Variants in ESF1 observed in about 807,000 individuals in gnomAD.
ESF1 encodes ESF1 homolog.
A neutral mutation model predicts 92.0 loss-of-function variants in ESF1; 58 were observed. The ratio of observed to expected loss-of-function variants is 0.63; its 90% CI spans 0.51 to 0.78. The LOEUF (loss-of-function observed/expected upper bound fraction) is 0.78, where lower values mean the gene tolerates loss of function less well. ESF1 is among the 30% of genes least tolerant of loss of function. The probability of loss-of-function intolerance (pLI) is 0.00; values close to 1 mark genes in which losing one functional copy is unlikely to be tolerated. For synonymous variants in ESF1, 321 were observed against 313.7 expected (o/e 1.02, Z -0.24); for missense variants, 922 against 989.1 (o/e 0.93, Z 0.91).
intron 9 of ESF1, among the ~76,000 whole-genome samples, chr20:13,735,657 A>G (rs1376842948): frequency 6.6e-6 from 1 of 152,176 alleles, no homozygotes; most frequent in Non-Finnish European, 1.5e-5. Context: ...TTAAATGTAC[A>G]GTGTTGTATT....
intron 9 of ESF1, among the ~76,000 whole-genome samples, chr20:13,743,507 A>G (rs1156968187): frequency 6.6e-6 from 1 of 151,794 alleles, no homozygotes; most frequent in Non-Finnish European, 1.5e-5. Context: ...GAATTAATAA[A>G]GAAATAGTGG....
chr20:13,771,598 A>G, intron 5 of ESF1, 115 bp from the exon 6 acceptor site: 1 of 775,792 alleles, frequency 1.3e-6, no homozygotes, highest in Admixed American at 2.6e-5. Flanking sequence ...TTCATACCAA[A>G]CCATCTTTCC....
chr20:13,731,024 T>C (rs529596078), intron 10 of ESF1, among the ~76,000 whole-genome samples: 1 of 152,228 alleles, frequency 6.6e-6, no homozygotes, highest in South Asian at 2.1e-4. Context: ...CGGTACTGAG[T>C]ACTGTAGGGT....
At chr20:13,767,017 A>C (rs1262634114) in intron 7 of ESF1, 93 bp from the exon 8 acceptor site, 1 of 1,228,382 alleles carries the variant, frequency 8.1e-7, no homozygotes. Flanking sequence ...TGGATGTTTA[A>C]CAGTAAGTTA....
In ESF1 at chr20:13,775,934, T is replaced by C. The variant is rs749329250; in HGVS notation, c.974A>G (p.Glu325Gly). 31 of 1,613,670 alleles carry C rather than the reference T, an allele frequency of 1.9e-5. No homozygotes were observed. In the South Asian group the frequency reaches 3.2e-4, roughly 17 times the overall value. The change falls in exon 3 of 14, where the codon GAA (glutamate) becomes GGA (glycine). Residue 325 changes from glutamate (E) to glycine (G), a missense_variant. Glu to Gly is a moderately conservative substitution (Grantham distance 98). Coordinates refer to ENST00000617257, the MANE Select transcript of ESF1 (RefSeq NM_001276380.2). Reference protein sequence around the residue: ...DEDDTADLFPEESGFEHAWRE... With the variant: ...DEDDTADLFPGESGFEHAWRE... ...CCAAGCATGCTCAAAACCAGATTCT[T>C]CTGGAAACAAATCTGCCGTATCATC...
intron 12 of ESF1, among the ~76,000 whole-genome samples, chr20:13,718,458 A>C (rs1246655845): frequency 6.6e-6 from 1 of 152,232 alleles, no homozygotes; most frequent in African/African-American, 2.4e-5. Context: ...CCAAGAATGT[A>C]ATTTTGTACG....
At chr20:13,722,185 A>G (rs193059129) in intron 11 of ESF1, among the ~76,000 whole-genome samples, 1 of 152,348 alleles carries the variant, frequency 6.6e-6, no homozygotes, top group Admixed American at 6.5e-5. Flanking sequence ...AGATTTTATA[A>G]CAACCTGGTG....
intron 9 of ESF1, 113 bp downstream of exon 9, chr20:13,759,579 T>C (rs889428498): frequency 7.2e-7 from 1 of 1,382,892 alleles, no homozygotes. Flanking sequence ...AAATGGTGTA[T>C]GCAAATATGA....
intron 7 of ESF1, among the ~76,000 whole-genome samples, chr20:13,768,910 AAAAG>A (rs1280669597): frequency 6.6e-6 from 1 of 151,268 alleles, no homozygotes; most frequent in Admixed American, 6.6e-5. Context: ...AAAAAAAAAA[AAAAG>A]AAAGAAAGGA....
chr20:13,716,642 C>CTTTTTTTTT (rs1274212917), intron 13 of ESF1, among the ~76,000 whole-genome samples: 1 of 132,882 alleles, frequency 7.5e-6, no homozygotes, highest in Non-Finnish European at 1.6e-5. Context: ...CTTTTTTTTT[C>CTTTTTTTTT]TTTTTTTTTT....
At chr20:13,760,267 G>A (rs1354102089) in intron 8 of ESF1, among the ~76,000 whole-genome samples, 5 of 150,496 alleles carry the variant, frequency 3.3e-5, no homozygotes. Context: ...TCTGGAAAGT[G>A]AGGAGCGTCT....
chr20:13,733,875 T>C lies in ESF1; in HGVS notation c.1829-33A>G, dbSNP rs367630988. Reference sequence around the variant, plus strand: ...AAAATCCAAATAGTTTAGCTTAAAATGTCTTATTGTCTGGCAATCACTTAA... The same window carrying C: ...AAAATCCAAATAGTTTAGCTTAAAACGTCTTATTGTCTGGCAATCACTTAA... On this transcript the variant is annotated intron_variant, in intron 9 of 13. Coordinates refer to ENST00000617257, the MANE Select transcript of ESF1 (RefSeq NM_001276380.2). 2.5e-6 allele frequency: 4 copies of C among 1,569,078 alleles called. No homozygotes were observed. In the African/African-American group the frequency reaches 5.5e-5, roughly 22 times the overall value.
intron 9 of ESF1, among the ~76,000 whole-genome samples, chr20:13,756,190 T>C (rs1342646571): frequency 6.6e-6 from 1 of 152,184 alleles, no homozygotes; most frequent in Non-Finnish European, 1.5e-5. Flanking sequence ...AATTTCCATA[T>C]GAATAAACTG....
At chr20:13,783,639 G>C (rs1980387843) in intron 1 of ESF1, among the ~76,000 whole-genome samples, 1 of 152,138 alleles carries the variant, frequency 6.6e-6, no homozygotes, top group African/African-American at 2.4e-5. Context: ...TGGGTAACAT[G>C]GTGAATCCCC....
chr20:13,753,913 C>G (rs762198809), intron 9 of ESF1, among the ~76,000 whole-genome samples: 1 of 152,176 alleles, frequency 6.6e-6, no homozygotes, highest in Non-Finnish European at 1.5e-5. Context: ...TAATGGACCA[C>G]TAGGCATAAG....
At chr20:13,724,435 G>A (rs898913675) in intron 11 of ESF1, among the ~76,000 whole-genome samples, 1 of 152,142 alleles carries the variant, frequency 6.6e-6, no homozygotes, top group African/African-American at 2.4e-5. Context: ...ACTTCTTCCT[G>A]ACTCCCTATG....
intron 10 of ESF1, 38 bp downstream of exon 10, chr20:13,733,683 G>A (rs368028982): frequency 1.8e-5 from 29 of 1,594,230 alleles, no homozygotes; most frequent in Non-Finnish European, 2.5e-5. Flanking sequence ...TATATGGTTG[G>A]TATTCAACAA....
At chr20:13,732,909 T>C (rs1341842549) in intron 10 of ESF1, among the ~76,000 whole-genome samples, 3 of 19,080 alleles carry the variant, frequency 1.6e-4, no homozygotes, top group Non-Finnish European at 4.4e-4. Flanking sequence ...TACTCTTATT[T>C]ATTTATTTAT....
chr20:13,718,440 C>T (rs1340881350), intron 12 of ESF1, among the ~76,000 whole-genome samples: 1 of 152,196 alleles, frequency 6.6e-6, no homozygotes, highest in East Asian at 1.9e-4. Context: ...ATAAGGTTCA[C>T]TGCATTTCCA....
Sources: allele counts gnomAD v4.1 joint callset (sites outside exome capture counted in the v4.1 genomes callset), GRCh38; gene constraint gnomAD v4.1.1; transcripts MANE v1.5; gene names NCBI Gene and HGNC (gene_info 2026-07-23, HGNC 2026-07-21).